The following MGAT5B variants were observed in gnomAD, a reference collection of about 807,000 sequenced individuals.
MGAT5B encodes the protein alpha-1,6-mannosylglycoprotein 6-beta-N-acetylglucosaminyltransferase B, also known as N-acetylglucosaminyl-transferase Vb.
Under a neutral mutation model 95.1 loss-of-function variants are expected in MGAT5B, and 54 were observed. The observed-to-expected ratio is 0.57, with a 90% CI of 0.46 to 0.71. The LOEUF (loss-of-function observed/expected upper bound fraction) is 0.71. MGAT5B is among the 30% of genes least tolerant of loss of function. The pLI, the probability that MGAT5B is intolerant of heterozygous loss-of-function variation, is 0.00. For synonymous variants in MGAT5B, 464 were observed against 451.0 expected (o/e 1.03, Z -0.36); for missense variants, 935 against 1,088.6 (o/e 0.86, Z 1.99).
chr17:76,902,990 G>GT (rs1567803953), intron 4 of MGAT5B, among the ~76,000 whole-genome samples: 1 of 151,952 alleles, frequency 6.6e-6, no homozygotes, highest in East Asian at 1.9e-4. Context: ...GCAGCGAGCT[G>GT]GGGGCTGCAA....
intron 3 of MGAT5B, among the ~76,000 whole-genome samples, chr17:76,888,621 G>C (rs1282546057): frequency 6.6e-6 from 1 of 152,140 alleles, no homozygotes; most frequent in Non-Finnish European, 1.5e-5. Flanking sequence ...AGGTGGCCTG[G>C]AGAGCTCGTT....
intron 2 of MGAT5B, among the ~76,000 whole-genome samples, chr17:76,880,429 C>T (rs1030771405): frequency 6.0e-4 from 92 of 152,246 alleles, no homozygotes; most frequent in African/African-American, 2.2e-3. Context: ...AGTGGCTGGG[C>T]CAGCCAGAGC....
chr17:76,938,894 G>T lies in MGAT5B; in HGVS notation c.1584+751G>T, dbSNP rs968147249. Among the ~76,000 whole-genome samples, 1 of 152,038 alleles carries T rather than the reference G, an allele frequency of 6.6e-6. No individual in the cohort carries two copies. The highest frequency in any genetic ancestry group is 2.4e-5 in the African/African-American group (1 of 41,384). On this transcript the variant is annotated intron_variant, in intron 13 of 17. Coordinates refer to ENST00000569840, the MANE Select transcript of MGAT5B (RefSeq NM_001199172.2). This position sits in a 1 kb window ranked among gnomAD's most constrained non-coding sequence, Gnocchi z 4.3. ...GTGTCTTCCTACATTGCCCAGGCTG[G>T]TGTCAATCTCCTGGGCTTAAGCGAT...
chr17:76,872,392 A>G (rs1296472139), intron 1 of MGAT5B, among the ~76,000 whole-genome samples: 1 of 152,208 alleles, frequency 6.6e-6, no homozygotes, highest in Non-Finnish European at 1.5e-5. Flanking sequence ...AAACTTTAGC[A>G]TGCAGTGGAA....
chr17:76,900,144 T>C (rs73373704), intron 3 of MGAT5B, among the ~76,000 whole-genome samples: 13,844 of 152,222 alleles, frequency 0.091, 1,659 homozygotes, highest in African/African-American at 0.27. Flanking sequence ...ACATAGCTCA[T>C]AGGGGTCTGA....
intron 13 of MGAT5B, among the ~76,000 whole-genome samples, chr17:76,939,032 GTGTGT>G (rs1567824670): frequency 1.8e-4 from 9 of 50,042 alleles, no homozygotes; most frequent in Admixed American, 3.1e-4. Context: ...TCTTGGGGGT[GTGTGT>G]GTGTGTGTGT....
In MGAT5B at chr17:76,915,693, T is replaced by C. The variant is rs11077876; in HGVS notation, c.1026-9273T>C. On this transcript the variant is annotated intron_variant, in intron 8 of 17. Transcript: ENST00000569840. This position sits in a 1 kb window ranked among gnomAD's most constrained non-coding sequence, Gnocchi z 8.7. ...AAGAACCGCATCTTGGCACCTAGAC[T>C]TGTGAATGGCAGCTCTCCTGCATCA... is the stretch of plus-strand genomic sequence containing the variant. 0.68 allele frequency among the ~76,000 whole-genome samples: 103,326 copies of C among 152,048 alleles called. 35,871 individuals carry two copies. Among genetic ancestry groups the C allele is most frequent in the Middle Eastern group, 0.84 (247 of 294 alleles).
In MGAT5B at chr17:76,905,976, T is replaced by C; in HGVS notation, c.856-42T>C. 6.5e-7 allele frequency: 1 copy of C among 1,541,136 alleles called. No homozygotes were observed. Among genetic ancestry groups the C allele is most frequent in the African/African-American group, 1.4e-5 (1 of 70,600 alleles). On this transcript the variant is annotated intron_variant, in intron 7 of 17. Coordinates refer to ENST00000569840, the MANE Select transcript of MGAT5B (RefSeq NM_001199172.2). This position sits in a 1 kb window ranked among gnomAD's most constrained non-coding sequence, Gnocchi z 4.2. ...GCCCCGGGGGGGCGGGGCTCAGAGC[T>C]GCTGCTCCTCTCTGCTGACCCTCTG...
intron 3 of MGAT5B, among the ~76,000 whole-genome samples, chr17:76,886,482 G>A (rs1264460391): frequency 6.6e-6 from 1 of 152,266 alleles, no homozygotes; most frequent in Non-Finnish European, 1.5e-5. Context: ...TGAGGGTCCA[G>A]AGAAGGGGGT....
chr17:76,919,983 C>G (rs1298386968), intron 8 of MGAT5B, among the ~76,000 whole-genome samples: 1 of 152,234 alleles, frequency 6.6e-6, no homozygotes, highest in Non-Finnish European at 1.5e-5. Context: ...CAACTCTAAC[C>G]AGGTGACCTG....
At chr17:76,937,953 C>T (rs1262975527) in intron 12 of MGAT5B, 35 bp from the exon 13 acceptor site, 1 of 1,607,138 alleles carries the variant, frequency 6.2e-7, no homozygotes, top group Non-Finnish European at 8.5e-7. Flanking sequence ...CTGTGGTTTG[C>T]ATGTGGTTCC....
chr17:76,883,992 T>G (rs1189754863), intron 3 of MGAT5B, among the ~76,000 whole-genome samples: 1 of 152,246 alleles, frequency 6.6e-6, no homozygotes, highest in Non-Finnish European at 1.5e-5. Flanking sequence ...AACCTCTAAC[T>G]GGCCTTGCCG....
chr17:76,882,967 C>A (rs974989277), intron 3 of MGAT5B, among the ~76,000 whole-genome samples: 1 of 151,680 alleles, frequency 6.6e-6, no homozygotes, highest in African/African-American at 2.4e-5. Context: ...CCCGTTTGGC[C>A]TTCCAAAGTG....
chr17:76,943,564 CATTTT>C (rs1969932739), intron 15 of MGAT5B, among the ~76,000 whole-genome samples: 1 of 145,698 alleles, frequency 6.9e-6, no homozygotes, highest in Non-Finnish European at 1.5e-5. Flanking sequence ...CTAATCTTCC[CATTTT>C]ATTATTTTTT....
intron 12 of MGAT5B, among the ~76,000 whole-genome samples, chr17:76,936,502 TG>T (rs1969678332): frequency 6.6e-6 from 1 of 152,238 alleles, no homozygotes; most frequent in South Asian, 2.1e-4. Context: ...CTTTTGGTGT[TG>T]TATTTAAGAA....
rs545247617 is a variant in MGAT5B at position 76,869,549 on chromosome 17, C to A, written c.68+452C>A. On this transcript the variant is annotated intron_variant, in intron 1 of 17. Coordinates refer to ENST00000569840, the MANE Select transcript of MGAT5B (RefSeq NM_001199172.2). This position sits in a 1 kb window ranked among gnomAD's most constrained non-coding sequence, Gnocchi z 7.0. ...CCGTCTGCCCCTAGGTCGGCTACCC[C>A]CCAACCCCTCCGCCTGTGCCACCCT... Among the ~76,000 whole-genome samples, 7 of 152,196 alleles carry A rather than the reference C, an allele frequency of 4.6e-5. No homozygotes were observed. Among genetic ancestry groups the A allele is most frequent in the African/African-American group, 7.2e-5 (3 of 41,446 alleles).
chr17:76,933,361 C>T, intron 12 of MGAT5B, 64 bp downstream of exon 12: 1 of 1,581,856 alleles, frequency 6.3e-7, no homozygotes, highest in Non-Finnish European at 8.6e-7. Flanking sequence ...CCAGCAGCCA[C>T]TCCAGGGGTC....
rs893955122 is a variant in MGAT5B, at chr17:76,918,126, A to T, written c.1026-6840A>T. On this transcript the variant is annotated intron_variant, in intron 8 of 17. Coordinates refer to ENST00000569840, the MANE Select transcript of MGAT5B (RefSeq NM_001199172.2). This position sits in a 1 kb window ranked among gnomAD's most constrained non-coding sequence, Gnocchi z 5.1. Reference sequence around the variant, plus strand: ...AGTGCCAGCTTTGGACGCCAGCCCCACTTTGGGTCTGCAGTGTTGAGGATA... The same window carrying T: ...AGTGCCAGCTTTGGACGCCAGCCCCTCTTTGGGTCTGCAGTGTTGAGGATA... 3.3e-5 allele frequency among the ~76,000 whole-genome samples: 5 copies of T among 152,118 alleles called. No individual in the cohort carries two copies. The highest frequency in any genetic ancestry group is 1.2e-4 in the African/African-American group (5 of 41,416).
rs374953729 is a variant in MGAT5B, at chr17:76,890,202, G to T, written c.329+7904G>T. Among the ~76,000 whole-genome samples the T allele has an allele frequency of 3.9e-4, 60 of 152,316 alleles. No individual in the cohort carries two copies. In the East Asian group the frequency reaches 6.0e-3, roughly 15 times the overall value. On this transcript the variant is annotated intron_variant, in intron 3 of 17. Coordinates refer to ENST00000569840, the MANE Select transcript of MGAT5B (RefSeq NM_001199172.2). ...AGAAGGGGCTGCAGTCCTGTCCTCG[G>T]TCCCTCTGAGCCATTGAAACCTCGG...
Sources: gnomAD v4.1 joint callset for allele counts (sites outside exome capture counted in the v4.1 genomes callset) on GRCh38, gnomAD v4.1.1 for gene constraint, Gnocchi (gnomAD v3.1) non-coding constraint, MANE v1.5 for transcripts, NCBI Gene and HGNC (gene_info 2026-07-23, HGNC 2026-07-21) for gene names.